A1CF: variants seen among roughly 807,000 people sequenced by gnomAD.
A1CF encodes the protein APOBEC-1 stimulating protein.
In A1CF, 48 loss-of-function variants were observed where a neutral mutation model predicts 68.9. The observed-to-expected ratio is 0.70, with a 90% CI of 0.55 to 0.89. The LOEUF is 0.89. Ranked by LOEUF, A1CF falls within the 40% of genes least tolerant of loss-of-function variation. The probability of loss-of-function intolerance (pLI) is 0.00; values close to 1 mark genes in which losing one functional copy is unlikely to be tolerated. For missense variants in A1CF, 653 were observed against 718.9 expected (o/e 0.91, Z 1.05); for synonymous variants, 272 against 260.4 (o/e 1.04, Z -0.43).
At chr10:50,850,545 C>A in intron 3 of A1CF, 1 of 1,318,530 alleles carries the variant, frequency 7.6e-7, no homozygotes, top group Non-Finnish European at 1.1e-6. Context: ...AATTACAAAA[C>A]AGAAAACTTA....
At chr10:50,810,484 A>T (rs957689520) in intron 11 of A1CF, among the ~76,000 whole-genome samples, 1 of 152,124 alleles carries the variant, frequency 6.6e-6, no homozygotes, top group Non-Finnish European at 1.5e-5. Context: ...AGAATGGGCT[A>T]TAGCTTTGTT....
At chr10:50,854,064 TC>T (rs1840369556) in intron 3 of A1CF, among the ~76,000 whole-genome samples, 1 of 152,018 alleles carries the variant, frequency 6.6e-6, no homozygotes, top group African/African-American at 2.4e-5. Flanking sequence ...AAAGTTTTTT[TC>T]CATGATTTTT....
intron 1 of A1CF, among the ~76,000 whole-genome samples, chr10:50,871,158 A>C (rs996676148): frequency 4.0e-5 from 6 of 151,886 alleles, no homozygotes; most frequent in Non-Finnish European, 8.8e-5. Context: ...ACAATCATTT[A>C]TTCTCATTAA....
At chr10:50,852,197 T>C (rs911329944) in intron 3 of A1CF, among the ~76,000 whole-genome samples, 2 of 152,246 alleles carry the variant, frequency 1.3e-5, no homozygotes, top group Non-Finnish European at 2.9e-5. Context: ...TTGTGTCGTT[T>C]ATGAAGATTT....
At chr10:50,809,046 A>C (rs2132308317) in intron 12 of A1CF, among the ~76,000 whole-genome samples, 1 of 152,190 alleles carries the variant, frequency 6.6e-6, no homozygotes, top group Middle Eastern at 3.4e-3. Flanking sequence ...TTCAGCTGAG[A>C]AAAAATTTCC....
At chr10:50,810,194 T>C in intron 11 of A1CF, 152 bp from the exon 12 acceptor site, 2 of 879,160 alleles carry the variant, frequency 2.3e-6, no homozygotes, top group Admixed American at 5.8e-5. Flanking sequence ...CTTCTAAATA[T>C]AGGTTGCATG....
chr10:50,835,951 G>T lies in A1CF; in HGVS notation c.604+123C>A, dbSNP rs1839466937. The T allele has an allele frequency of 3.3e-6, 3 of 900,856 alleles. No individual in the cohort carries two copies. The South Asian group carries it at 5.3e-5, about 16-fold the overall frequency. The allele number at this position is 900,856 out of a possible 1,614,324, so 55.8% of individuals were successfully genotyped here. A position where few individuals can be genotyped will look rare whatever the true frequency, so the allele number is the denominator to read the frequency against. Reference sequence around the variant, plus strand: ...AATCAACTGTGAGACAGTGAAGAAGGATAAAAAATTTAAAATACAGCGTAA... The same window carrying T: ...AATCAACTGTGAGACAGTGAAGAAGTATAAAAAATTTAAAATACAGCGTAA... On this transcript the variant is annotated intron_variant, in intron 6 of 12. Transcript: ENST00000373997.
chr10:50,850,634 T>C lies in A1CF; in HGVS notation c.100-6512A>G, dbSNP rs1263156437. ...TTTCTGTAAAAGAGAACGAGTAAAA[T>C]GCCAACTCACTTCTAAGACCCTCTG... is the stretch of plus-strand genomic sequence containing the variant. On this transcript the variant is annotated intron_variant, in intron 3 of 12. Transcript: ENST00000373997. The C allele has an allele frequency of 1.9e-6, 3 of 1,613,608 alleles. No individual in the cohort carries two copies. In the South Asian group the frequency reaches 3.3e-5, roughly 18 times the overall value.
At chr10:50,852,900 A>G (rs1274129857) in intron 3 of A1CF, among the ~76,000 whole-genome samples, 2 of 152,160 alleles carry the variant, frequency 1.3e-5, no homozygotes, top group Non-Finnish European at 2.9e-5. Context: ...ATTATCTCAA[A>G]CCGGAAAGAT....
Position 50,804,679 on chromosome 10 carries a change from C to T in A1CF, c.*2050G>A, listed in dbSNP as rs1281504211. The stretch of plus-strand genomic sequence containing the variant: ...AGCCTACGTAAGTTACATTTAAATT[C>T]ATACTATTTATGGGATAAATATGAT... On this transcript the variant is annotated 3_prime_UTR_variant, in exon 13 of 13. Transcript: ENST00000373997. The T allele has an allele frequency of 6.6e-6, 1 of 152,144 alleles. No individual in the cohort carries two copies. The highest frequency in any genetic ancestry group is 3.2e-3 in the Middle Eastern group (1 of 316). 9.4% of individuals were successfully genotyped at this position (152,144 alleles called of 1,614,324 possible).
chr10:50,806,914 G>C (rs1179811313), intron 12 of A1CF, 34 bp from the exon 13 acceptor site: 1 of 1,588,074 alleles, frequency 6.3e-7, no homozygotes, highest in African/African-American at 1.4e-5. Context: ...TTGATGAAAG[G>C]AATTCACATT....
intron 5 of A1CF, 84 bp downstream of exon 5, chr10:50,841,778 A>G: frequency 2.0e-6 from 3 of 1,523,016 alleles, no homozygotes; most frequent in Non-Finnish European, 2.7e-6. Context: ...TTTTTGGCAT[A>G]CACCATATTA....
chr10:50,880,726 A>T (rs1240390496), intron 1 of A1CF, among the ~76,000 whole-genome samples: 1 of 152,236 alleles, frequency 6.6e-6, no homozygotes. Context: ...GCAGAATCCC[A>T]GTAGAAGAGC....
intron 2 of A1CF, among the ~76,000 whole-genome samples, chr10:50,860,602 C>T (rs1190361027): frequency 6.6e-6 from 1 of 152,164 alleles, no homozygotes; most frequent in Non-Finnish European, 1.5e-5. Flanking sequence ...ACACCCAGAT[C>T]ACATACCACA....
intron 3 of A1CF, among the ~76,000 whole-genome samples, chr10:50,858,942 A>G (rs1840611970): frequency 6.6e-6 from 1 of 152,100 alleles, no homozygotes; most frequent in African/African-American, 2.4e-5. Flanking sequence ...AAAGCATGCC[A>G]TGATTTATAA....
Position 50,801,564 on chromosome 10 carries a change from CCTGAATGGGGCTGATATTCTT to C in A1CF, c.*5144_*5164del, listed in dbSNP as rs986012264. ...TCACCTCAGAGAGACATTGGTAAACCCTGAATGGGGCTGATATTCTTCATTCTCCAAGAAGGCCTGTGGGCA... is the reference window on the plus strand; with the variant it reads ...TCACCTCAGAGAGACATTGGTAAACCCATTCTCCAAGAAGGCCTGTGGGCA... On this transcript the variant is annotated 3_prime_UTR_variant, in exon 13 of 13. Transcript: ENST00000373997. 1 of 152,120 alleles carries C rather than the reference CCTGAATGGGGCTGATATTCTT, an allele frequency of 6.6e-6. No individual in the cohort carries two copies. The highest frequency in any genetic ancestry group is 2.4e-5 in the African/African-American group (1 of 41,426). The allele number at this position is 152,120 out of a possible 1,614,324, so 9.4% of individuals were successfully genotyped here. A position where few individuals can be genotyped will look rare whatever the true frequency, so the allele number is the denominator to read the frequency against.
intron 3 of A1CF, among the ~76,000 whole-genome samples, chr10:50,847,641 T>A (rs1269480153): frequency 2.0e-5 from 3 of 152,166 alleles, no homozygotes; most frequent in Admixed American, 6.5e-5. Flanking sequence ...TGGGCAAAAA[T>A]TGCCTTCTCC....
chr10:50,816,896 G>T (rs1167478780), intron 8 of A1CF, among the ~76,000 whole-genome samples: 1 of 152,178 alleles, frequency 6.6e-6, no homozygotes, highest in Non-Finnish European at 1.5e-5. Context: ...TGCATTGCCT[G>T]CCACAGGTTC....
intron 8 of A1CF, among the ~76,000 whole-genome samples, chr10:50,816,670 A>G (rs16909463): frequency 0.11 from 16,681 of 152,244 alleles, 1,053 homozygotes; most frequent in African/African-American, 0.18. Context: ...ATGGTATAAA[A>G]TCTCCATTAC....
Sources: gnomAD v4.1 joint callset for allele counts (sites outside exome capture counted in the v4.1 genomes callset) on GRCh38, gnomAD v4.1.1 for gene constraint, MANE v1.5 for transcripts, NCBI Gene and HGNC (gene_info 2026-07-23, HGNC 2026-07-21) for gene names.